The following ANKFY1 variants were observed in gnomAD, a reference collection of about 807,000 sequenced individuals.
ANKFY1 encodes ankyrin repeat and FYVE domain containing 1.
Under a neutral mutation model 128.3 loss-of-function variants are expected in ANKFY1, and 47 were observed. The observed-to-expected ratio is 0.37, with a 90% CI of 0.29 to 0.47. The LOEUF is 0.47. Among genes scored for constraint, ANKFY1 ranks in the 20% least tolerant of loss-of-function variants. The probability of loss-of-function intolerance (pLI) is 1.00; values close to 1 mark genes in which losing one functional copy is unlikely to be tolerated. For synonymous variants in ANKFY1, 553 were observed against 601.6 expected (o/e 0.92, Z 1.18); for missense variants, 1,222 against 1,510.6 (o/e 0.81, Z 3.17).
intron 1 of ANKFY1, among the ~76,000 whole-genome samples, chr17:4,251,252 A>G (rs1017622526): frequency 6.6e-6 from 1 of 152,176 alleles, no homozygotes; most frequent in East Asian, 1.9e-4. Flanking sequence ...CTACATATAA[A>G]AACTAACTCA....
chr17:4,211,363 C>T (rs1458864147), intron 4 of ANKFY1, among the ~76,000 whole-genome samples: 3 of 149,434 alleles, frequency 2.0e-5, no homozygotes, highest in African/African-American at 7.4e-5. Flanking sequence ...TGCCACTGCA[C>T]TCAAGCCTGG....
At chr17:4,188,894 A>G (rs2143007230) in intron 11 of ANKFY1, 1 of 151,096 alleles carries the variant, frequency 6.6e-6, no homozygotes, top group African/African-American at 2.4e-5. Context: ...AAAGAAGAAG[A>G]CTGCATAGGG....
intron 20 of ANKFY1, 107 bp from the exon 21 acceptor site, chr17:4,173,551 A>T: frequency 9.7e-7 from 1 of 1,033,480 alleles, no homozygotes; most frequent in Non-Finnish European, 1.5e-6. Context: ...CGGCCACAGC[A>T]GCGACTGGCC....
intron 3 of ANKFY1, among the ~76,000 whole-genome samples, chr17:4,231,769 A>C (rs1170909879): frequency 6.6e-6 from 1 of 151,708 alleles, no homozygotes; most frequent in Non-Finnish European, 1.5e-5. Context: ...ACATGGCAAA[A>C]TCTCATGTCT....
chr17:4,248,236 G>A (rs568013659), intron 1 of ANKFY1, among the ~76,000 whole-genome samples: 10 of 149,092 alleles, frequency 6.7e-5, no homozygotes, highest in East Asian at 5.8e-4. Flanking sequence ...GGTGAGCTGC[G>A]GGCGAGTCAG....
At chr17:4,263,823 A>G in intron 1 of ANKFY1, 109 bp downstream of exon 1, 1 of 1,609,090 alleles carries the variant, frequency 6.2e-7, no homozygotes, top group Non-Finnish European at 8.5e-7. Context: ...AGACCCGCGG[A>G]GCCCCCATGC....
intron 1 of ANKFY1, among the ~76,000 whole-genome samples, chr17:4,242,885 G>A (rs1967321457): frequency 6.6e-6 from 1 of 152,148 alleles, no homozygotes; most frequent in East Asian, 1.9e-4. Context: ...ATGCTGACAG[G>A]CACTTGCCCC....
intron 10 of ANKFY1, among the ~76,000 whole-genome samples, chr17:4,190,015 T>G (rs1171976422): frequency 6.6e-6 from 1 of 152,136 alleles, no homozygotes; most frequent in Non-Finnish European, 1.5e-5. Flanking sequence ...TTGCTGAGGG[T>G]GGGTTAGAGC....
At chr17:4,241,380 C>T (rs900901575) in intron 2 of ANKFY1, among the ~76,000 whole-genome samples, 2 of 150,434 alleles carry the variant, frequency 1.3e-5, no homozygotes, top group Non-Finnish European at 2.9e-5. Flanking sequence ...CCCGGGTTTA[C>T]GCCATTCTCC....
At chr17:4,243,471 A>G (rs1291555843) in intron 1 of ANKFY1, among the ~76,000 whole-genome samples, 1 of 152,008 alleles carries the variant, frequency 6.6e-6, no homozygotes, top group Non-Finnish European at 1.5e-5. Context: ...AGCTGGGACC[A>G]CAGGCACATC....
At chr17:4,252,508 G>A (rs1166926744) in intron 1 of ANKFY1, among the ~76,000 whole-genome samples, 1 of 152,046 alleles carries the variant, frequency 6.6e-6, no homozygotes, top group African/African-American at 2.4e-5. Flanking sequence ...GTTCGAGGCT[G>A]CAGTGAGCTA....
rs1421354930 is a variant in ANKFY1, at chr17:4,165,757, G to A, written c.*2022C>T. On this transcript the variant is annotated 3_prime_UTR_variant, in exon 25 of 25. Coordinates refer to ENST00000341657, the MANE Select transcript of ANKFY1 (RefSeq NM_001330063.2). ...TCTGAGTGCAATGACAGGCAAGATT[G>A]TTATTGAAATTGGTATGGTAGGGCA... The A allele has an allele frequency of 6.6e-6, 1 of 152,218 alleles. No homozygotes were observed. The highest frequency in any genetic ancestry group is 2.4e-5 in the African/African-American group (1 of 41,452). The allele number at this position is 152,218 out of a possible 1,614,324, so 9.4% of individuals were successfully genotyped here.
At position 4,177,318 on chromosome 17, in the gene ANKFY1, C is replaced by T. The variant is rs746288721; in HGVS notation, c.2599-16G>A. 2.6e-6 allele frequency: 4 copies of T among 1,562,382 alleles called. No homozygotes were observed. In the East Asian group the frequency reaches 9.4e-5, roughly 37 times the overall value. On this transcript the variant is annotated splice_polypyrimidine_tract_variant and intron_variant, in intron 18 of 24. Transcript: ENST00000341657. ...TGTTATCCACCTACAGCAACAAGTG[C>T]AAAGCAAAATATTAGTTCCCTTTTC...
At chr17:4,227,862 T>A (rs1037228279) in intron 3 of ANKFY1, among the ~76,000 whole-genome samples, 1 of 152,206 alleles carries the variant, frequency 6.6e-6, no homozygotes, top group Non-Finnish European at 1.5e-5. Context: ...ACAACCTGCC[T>A]ATATCAAGCG....
chr17:4,190,046 C>T (rs2059690057), intron 10 of ANKFY1, among the ~76,000 whole-genome samples: 1 of 152,206 alleles, frequency 6.6e-6, no homozygotes, highest in Non-Finnish European at 1.5e-5. Context: ...AACAGTGGTG[C>T]TACGGACATT....
chr17:4,173,841 G>T, intron 20 of ANKFY1, 68 bp downstream of exon 20: 2 of 1,555,496 alleles, frequency 1.3e-6, no homozygotes, highest in South Asian at 2.4e-5. Flanking sequence ...CAGACCCAAG[G>T]GTGCACTGCA....
intron 1 of ANKFY1, among the ~76,000 whole-genome samples, chr17:4,243,277 A>G (rs1401452567): frequency 6.6e-6 from 1 of 152,102 alleles, no homozygotes; most frequent in Non-Finnish European, 1.5e-5. Context: ...CATGTTGGCC[A>G]GGATGGTCTC....
At chr17:4,224,356 G>A (rs1389824285) in intron 3 of ANKFY1, among the ~76,000 whole-genome samples, 1 of 151,642 alleles carries the variant, frequency 6.6e-6, no homozygotes, top group Non-Finnish European at 1.5e-5. Flanking sequence ...CTGAGAAGCT[G>A]GGACTACAGG....
At chr17:4,259,201 T>A (rs923177103) in intron 1 of ANKFY1, among the ~76,000 whole-genome samples, 1 of 152,250 alleles carries the variant, frequency 6.6e-6, no homozygotes, top group South Asian at 2.1e-4. Context: ...CAGCAATTAA[T>A]TGACTTGCTT....
Sources: gnomAD v4.1 joint callset for allele counts (sites outside exome capture counted in the v4.1 genomes callset) on GRCh38, gnomAD v4.1.1 for gene constraint, MANE v1.5 for transcripts, NCBI Gene and HGNC (gene_info 2026-07-23, HGNC 2026-07-21) for gene names.